The following MAF variants were observed in gnomAD, a reference collection of about 807,000 sequenced individuals.
MAF encodes MAF bZIP transcription factor, also known as transcription factor Maf.
Under a neutral mutation model 22.0 loss-of-function variants are expected in MAF, and 10 were observed. The observed-to-expected ratio is 0.45, with a 90% CI of 0.28 to 0.77. MAF has a LOEUF of 0.77. Ranked by LOEUF, MAF falls within the 30% of genes least tolerant of loss-of-function variation. MAF has a pLI of 0.12. For missense variants in MAF, 544 were observed against 548.4 expected (o/e 0.99, Z 0.08); for synonymous variants, 337 against 255.8 (o/e 1.32, Z -3.03).
chr16:79,395,366 G>C, the MAF span, among the ~76,000 whole-genome samples: 3 of 152,168 alleles, frequency 2.0e-5, no homozygotes, highest in African/African-American at 7.2e-5. Context: ...AGGGGTACCA[G>C]GTTGAATAGG....
At chr16:79,520,513 C>T in the MAF span, among the ~76,000 whole-genome samples, 2 of 152,202 alleles carry the variant, frequency 1.3e-5, no homozygotes, top group South Asian at 2.1e-4. Context: ...TTGCATGCGT[C>T]CCCCAGGGTT....
the MAF span, among the ~76,000 whole-genome samples, chr16:79,209,035 C>G: frequency 6.6e-6 from 1 of 152,140 alleles, no homozygotes; most frequent in Admixed American, 6.5e-5. Flanking sequence ...GGGTGCCCCT[C>G]CTGTGTACTG....
the MAF span, among the ~76,000 whole-genome samples, chr16:79,549,136 A>G: frequency 6.6e-6 from 1 of 152,190 alleles, no homozygotes; most frequent in Non-Finnish European, 1.5e-5. Context: ...GTGCATACAT[A>G]TAGTTAATGG....
chr16:79,453,396 C>T, the MAF span, among the ~76,000 whole-genome samples: 4,377 of 152,274 alleles, frequency 0.029, 56 homozygotes, highest in Middle Eastern at 0.044. Context: ...GATACTTTCT[C>T]ACCTACTGAC....
the MAF span, among the ~76,000 whole-genome samples, chr16:79,540,219 T>C: frequency 6.6e-6 from 1 of 151,640 alleles, no homozygotes; most frequent in Non-Finnish European, 1.5e-5. Context: ...ATGAAGACTC[T>C]GAGAAAAAGC....
chr16:79,564,009 C>G, the MAF span, among the ~76,000 whole-genome samples: 1 of 152,220 alleles, frequency 6.6e-6, no homozygotes, highest in African/African-American at 2.4e-5. Context: ...CATAATTCCA[C>G]GTATTTCAAA....
At chr16:79,468,260 G>A in the MAF span, among the ~76,000 whole-genome samples, 1 of 152,324 alleles carries the variant, frequency 6.6e-6, no homozygotes, top group Non-Finnish European at 1.5e-5. Context: ...CAGCAGCCCA[G>A]GCGTCCAAGA....
chr16:79,491,473 T>C, the MAF span, among the ~76,000 whole-genome samples: 1 of 152,018 alleles, frequency 6.6e-6, no homozygotes. Flanking sequence ...CAGTCTCGAG[T>C]CCCAGTCAAT....
the MAF span, among the ~76,000 whole-genome samples, chr16:79,574,378 T>C: frequency 2.6e-5 from 4 of 152,222 alleles, no homozygotes; most frequent in Non-Finnish European, 1.5e-5. Flanking sequence ...TCTGTGCAAA[T>C]AATTTGGGAA....
chr16:79,358,944 C>G, the MAF span, among the ~76,000 whole-genome samples: 2 of 152,124 alleles, frequency 1.3e-5, no homozygotes, highest in Admixed American at 6.5e-5. Flanking sequence ...ACAGGCCACC[C>G]CTGGCTGCTT....
At chr16:79,206,439 G>A in the MAF span, 3 of 152,200 alleles carry the variant, frequency 2.0e-5, no homozygotes, top group Admixed American at 2.0e-4. Flanking sequence ...TCTGATATCA[G>A]GTAGGCTTCT....
At chr16:79,305,380 C>G in the MAF span, among the ~76,000 whole-genome samples, 1 of 152,200 alleles carries the variant, frequency 6.6e-6, no homozygotes, top group Non-Finnish European at 1.5e-5. Flanking sequence ...CAACCTACTT[C>G]CAACCTCCAT....
At chr16:79,292,971 C>T in the MAF span, among the ~76,000 whole-genome samples, 1 of 152,142 alleles carries the variant, frequency 6.6e-6, no homozygotes, top group Non-Finnish European at 1.5e-5. Flanking sequence ...GGGAGTTGCC[C>T]ACCCCTTTGC....
chr16:79,328,252 T>C, the MAF span, among the ~76,000 whole-genome samples: 1 of 151,974 alleles, frequency 6.6e-6, no homozygotes, highest in Non-Finnish European at 1.5e-5. Context: ...TCATTATATA[T>C]AAGCTCAAAC....
the MAF span, among the ~76,000 whole-genome samples, chr16:79,467,802 C>G: frequency 2.6e-5 from 4 of 152,078 alleles, no homozygotes; most frequent in Non-Finnish European, 5.9e-5. Flanking sequence ...CTTGTTATAG[C>G]TCCACATACT....
the MAF span, among the ~76,000 whole-genome samples, chr16:79,242,465 A>G: frequency 1.5e-3 from 224 of 152,166 alleles, 2 homozygotes; most frequent in African/African-American, 5.0e-3. Flanking sequence ...GAAGGACATT[A>G]CATAATACTA....
At chr16:79,239,082 C>G in the MAF span, among the ~76,000 whole-genome samples, 1 of 152,048 alleles carries the variant, frequency 6.6e-6, no homozygotes. Context: ...GTTTGCAGCT[C>G]TGGCCAAGGA....
At chr16:79,528,061 G>T in the MAF span, among the ~76,000 whole-genome samples, 1 of 152,178 alleles carries the variant, frequency 6.6e-6, no homozygotes, top group Admixed American at 6.5e-5. Context: ...AGAATCACTT[G>T]AACCTGGGAG....
chr16:79,599,660 G>T lies in MAF; in HGVS notation c.243C>A (p.Gly81=), dbSNP rs748763628. 3 of 1,612,078 alleles carry T rather than the reference G, an allele frequency of 1.9e-6. No homozygotes were observed. The highest frequency in any genetic ancestry group is 2.5e-6 in the Non-Finnish European group (3 of 1,179,610). Residue 81 remains glycine (G), a synonymous_variant, in exon 1 of 2, where the codon GGC becomes GGA. Transcript: ENST00000326043. ...PSFSAPSPGS[G]SEQKAHLEDY... is the part of the protein sequence containing the mutation. ...CTTCCAGGTGCGCCTTCTGCTCGCT[G>T]CCCGAGCCCGGGCTGGGCGCCGAGA...
Sources: gnomAD v4.1 joint callset for allele counts (sites outside exome capture counted in the v4.1 genomes callset) on GRCh38, gnomAD v4.1.1 for gene constraint, MANE v1.5 for transcripts, NCBI Gene and HGNC (gene_info 2026-07-23, HGNC 2026-07-21) for gene names.